The following WDFY3 variants were observed in gnomAD, a reference collection of about 807,000 sequenced individuals.
WDFY3 encodes the protein WD repeat and FYVE domain containing 3.
A neutral mutation model predicts 409.6 loss-of-function variants in WDFY3; 66 were observed. The observed-to-expected ratio is 0.16, with a 90% CI of 0.13 to 0.20. The LOEUF (loss-of-function observed/expected upper bound fraction) is 0.20, where lower values mean the gene tolerates loss of function less well. WDFY3 is among the 10% of genes least tolerant of loss of function. The probability of loss-of-function intolerance (pLI) is 1.00; values close to 1 mark genes in which losing one functional copy is unlikely to be tolerated. For synonymous variants in WDFY3, 1,521 were observed against 1,537.1 expected, an observed-to-expected ratio of 0.99 and a Z score of 0.25; for missense variants, 3,031 against 4,298.1, an observed-to-expected ratio of 0.71 and a Z score of 8.24.
intron 2 of WDFY3, among the ~76,000 whole-genome samples, chr4:84,931,141 G>C (rs1156613663): frequency 5.3e-5 from 8 of 152,142 alleles, no homozygotes; most frequent in African/African-American, 1.9e-4. Context: ...TCCACTGGGG[G>C]TCTTGGAACA....
chr4:84,826,610 T>C (rs1754900227), intron 10 of WDFY3, among the ~76,000 whole-genome samples: 1 of 152,160 alleles, frequency 6.6e-6, no homozygotes, highest in Non-Finnish European at 1.5e-5. Context: ...TATATTTTTA[T>C]AATATTATTT....
rs1194267585 is a variant in WDFY3 at position 84,803,319 on chromosome 4, C to A, written c.2578G>T (p.Ala860Ser). 4 of 1,612,660 alleles carry A rather than the reference C, an allele frequency of 2.5e-6. No individual in the cohort carries two copies. Among genetic ancestry groups the A allele is most frequent in the East Asian group, 2.2e-5 (1 of 44,866 alleles). Residue 860 changes from alanine (A) to serine (S), a missense_variant, in exon 16 of 68, where the codon GCC becomes TCC. Coordinates refer to ENST00000295888, the MANE Select transcript of WDFY3 (RefSeq NM_014991.6). ...GGCTGTGTCACTGACCCAACAGAGGCCAGTAGGTCCAGCATGGCAAGCATG... is the reference window on the plus strand; with the variant it reads ...GGCTGTGTCACTGACCCAACAGAGGACAGTAGGTCCAGCATGGCAAGCATG... ...GAMLAMLDLL[A>S]SVGSVTQPEH...
intron 66 of WDFY3, among the ~76,000 whole-genome samples, 180 bp downstream of exon 66, chr4:84,677,986 AAG>A (rs1184069138): frequency 3.6e-4 from 54 of 150,394 alleles, no homozygotes; most frequent in African/African-American, 1.3e-3. Flanking sequence ...AAAAAAAAAA[AAG>A]AAAAAGAAAA....
chr4:84,769,664 C>T (rs1243632720), intron 30 of WDFY3, among the ~76,000 whole-genome samples: 1 of 152,076 alleles, frequency 6.6e-6, no homozygotes, highest in African/African-American at 2.4e-5. Context: ...CCTCGTGATC[C>T]ACCCGCCTTG....
chr4:84,773,892 T>C (rs1006776660), intron 29 of WDFY3, among the ~76,000 whole-genome samples: 3 of 152,152 alleles, frequency 2.0e-5, no homozygotes, highest in African/African-American at 7.2e-5. Flanking sequence ...GGCTAATTGT[T>C]CCTATTTTTA....
chr4:84,850,088 T>A, intron 4 of WDFY3, 63 bp from the exon 5 acceptor site: 1 of 1,513,114 alleles, frequency 6.6e-7, no homozygotes, highest in Admixed American at 2.3e-5. Context: ...ATTTTGTGAA[T>A]TTTCAAGTGT....
chr4:84,928,314 G>C (rs114946232), intron 2 of WDFY3, among the ~76,000 whole-genome samples: 10,108 of 152,104 alleles, frequency 0.066, 462 homozygotes, highest in Admixed American at 0.12. Flanking sequence ...TGGCTTCCTT[G>C]GTTCTGAGGC....
chr4:84,782,778 A>C (rs1455339161), intron 25 of WDFY3, among the ~76,000 whole-genome samples, 185 bp downstream of exon 25: 1 of 152,164 alleles, frequency 6.6e-6, no homozygotes, highest in Non-Finnish European at 1.5e-5. Flanking sequence ...GGATTTTATG[A>C]AAGGTTATTA....
intron 44 of WDFY3, among the ~76,000 whole-genome samples, chr4:84,732,041 A>G (rs149736961): frequency 0.013 from 2,000 of 152,306 alleles, 20 homozygotes; most frequent in Non-Finnish European, 0.017. Context: ...TTATAAAAGT[A>G]AGTGCTAGTA....
chr4:84,787,754 T>C, intron 22 of WDFY3, 41 bp from the exon 23 acceptor site: 1 of 1,518,168 alleles, frequency 6.6e-7, no homozygotes, highest in Non-Finnish European at 9.1e-7. Flanking sequence ...ATGTGAACAC[T>C]TTCCCCAGGA....
At chr4:84,795,162 TA>T (rs1367138664) in intron 19 of WDFY3, among the ~76,000 whole-genome samples, 183 bp from the exon 20 acceptor site, 1 of 152,012 alleles carries the variant, frequency 6.6e-6, no homozygotes, top group Admixed American at 6.6e-5. Flanking sequence ...TCAAAAGACA[TA>T]ATTTTAAAAT....
chr4:84,809,877 A>G lies in WDFY3; in HGVS notation c.2345+10T>C. On this transcript the variant is annotated intron_variant, in intron 14 of 67. Transcript: ENST00000295888. ...CACCCTTTAATTCAGAGGACAGAGC[A>G]GAGCCATACCTGTCAAAAGAATCTG... The G allele has an allele frequency of 6.2e-7, 1 of 1,612,230 alleles. No homozygotes were observed. The highest frequency in any genetic ancestry group is 2.2e-5 in the East Asian group (1 of 44,864).
intron 50 of WDFY3, among the ~76,000 whole-genome samples, chr4:84,714,184 G>C (rs1042908327): frequency 2.0e-5 from 3 of 152,064 alleles, no homozygotes; most frequent in Non-Finnish European, 4.4e-5. Context: ...GCAGTGGTGT[G>C]ATCGTGGCTT....
intron 3 of WDFY3, among the ~76,000 whole-genome samples, chr4:84,879,967 G>A (rs536163204): frequency 6.6e-6 from 1 of 152,148 alleles, no homozygotes; most frequent in Non-Finnish European, 1.5e-5. Context: ...CCCTAAAGAC[G>A]TCTCTACTAC....
At chr4:84,891,243 T>C (rs943781880) in intron 3 of WDFY3, among the ~76,000 whole-genome samples, 6 of 152,198 alleles carry the variant, frequency 3.9e-5, no homozygotes, top group Non-Finnish European at 7.4e-5. Context: ...TCCATGATTT[T>C]GTAAGCCACT....
intron 3 of WDFY3, among the ~76,000 whole-genome samples, chr4:84,874,135 C>T (rs1009527166): frequency 2.6e-5 from 4 of 151,512 alleles, no homozygotes; most frequent in Non-Finnish European, 5.9e-5. Context: ...AAGCAGAGAC[C>T]GGGCGAGGTG....
At chr4:84,874,689 C>T (rs970345800) in intron 3 of WDFY3, among the ~76,000 whole-genome samples, 1 of 152,106 alleles carries the variant, frequency 6.6e-6, no homozygotes. Flanking sequence ...TCTAAGGTCA[C>T]CTTCTCAGAG....
intron 13 of WDFY3, 43 bp from the exon 14 acceptor site, chr4:84,810,387 TCA>T: frequency 3.9e-6 from 4 of 1,032,306 alleles, no homozygotes; most frequent in East Asian, 3.0e-5. Context: ...TACACATAAT[TCA>T]AAAAAAAAAA....
chr4:84,809,220 C>T (rs1168861482), intron 14 of WDFY3: 2 of 152,188 alleles, frequency 1.3e-5, no homozygotes, highest in Admixed American at 6.5e-5. Context: ...TGGATTCCCC[C>T]ACTGTAGAAT....
Sources: allele counts gnomAD v4.1 joint callset (sites outside exome capture counted in the v4.1 genomes callset), GRCh38; gene constraint gnomAD v4.1.1; transcripts MANE v1.5; gene names NCBI Gene and HGNC (gene_info 2026-07-23, HGNC 2026-07-21).